The following TRPC6 variants were observed in gnomAD, a reference collection of about 807,000 sequenced individuals.
TRPC6 encodes the protein transient receptor potential cation channel subfamily C member 6.
In TRPC6, 55 loss-of-function variants were observed where a neutral mutation model predicts 90.7. The ratio of observed to expected loss-of-function variants is 0.61; its 90% CI spans 0.49 to 0.76. The LOEUF is 0.76. Among genes scored for constraint, TRPC6 ranks in the 30% least tolerant of loss-of-function variants. The probability of loss-of-function intolerance (pLI) is 0.00; values close to 1 mark genes in which losing one functional copy is unlikely to be tolerated. For missense variants in TRPC6, 989 were observed against 1,122.7 expected (o/e 0.88, Z 1.70); for synonymous variants, 393 against 393.0 (o/e 1.00, Z 0.00).
At chr11:101,572,883 A>T (rs1304601328) in intron 1 of TRPC6, among the ~76,000 whole-genome samples, 1 of 152,134 alleles carries the variant, frequency 6.6e-6, no homozygotes, top group African/African-American at 2.4e-5. Context: ...TGGGACGGAT[A>T]GCATTAGGAG....
intron 1 of TRPC6, among the ~76,000 whole-genome samples, chr11:101,509,660 T>G (rs1046094249): frequency 6.6e-6 from 1 of 152,170 alleles, no homozygotes; most frequent in African/African-American, 2.4e-5. Context: ...CCTTCTAAAT[T>G]ACTGTGGCTT....
At chr11:101,457,414 T>C (rs958791883) in intron 10 of TRPC6, among the ~76,000 whole-genome samples, 1 of 152,208 alleles carries the variant, frequency 6.6e-6, no homozygotes, top group Non-Finnish European at 1.5e-5. Flanking sequence ...GCAATACTAA[T>C]AACTTGTTTC....
chr11:101,473,859 T>G lies in TRPC6; in HGVS notation c.1745-86A>C, dbSNP rs570320904. 1.2e-5 allele frequency: 19 copies of G among 1,587,358 alleles called. No homozygotes were observed. In the South Asian group the frequency reaches 1.8e-4, roughly 15 times the overall value. On this transcript the variant is annotated intron_variant, in intron 6 of 12. Transcript: ENST00000344327. ...TTCTTTTTCTGCGAAAGAAATATAG[T>G]TATGTTAGAATCCGGTTTTCGAATG...
At chr11:101,580,627 G>T (rs929035818) in intron 1 of TRPC6, among the ~76,000 whole-genome samples, 3 of 139,986 alleles carry the variant, frequency 2.1e-5, no homozygotes, top group Admixed American at 7.0e-5. Context: ...TACTACTGAA[G>T]CCCCATAAAT....
Position 101,503,626 on chromosome 11 carries a change from T to C in TRPC6, c.945+398A>G, listed in dbSNP as rs145686635. On this transcript the variant is annotated intron_variant, in intron 2 of 12. Coordinates refer to ENST00000344327, the MANE Select transcript of TRPC6 (RefSeq NM_004621.6). ...CACTGTGCTCTGAACATGGAAATAG[T>C]GTTTCGTGGGAGGAAAAAGCCTGGG... Among the ~76,000 whole-genome samples the C allele has an allele frequency of 4.7e-3, 712 of 152,274 alleles. 4 individuals carry two copies. Among genetic ancestry groups the C allele is most frequent in the Non-Finnish European group, 6.0e-3 (406 of 68,024 alleles).
chr11:101,503,009 A>C (rs1157582600), intron 2 of TRPC6, among the ~76,000 whole-genome samples: 6 of 152,356 alleles, frequency 3.9e-5, no homozygotes, highest in African/African-American at 1.4e-4. Context: ...AAAACATTGT[A>C]CTTGATGAAT....
chr11:101,472,226 C>T lies in TRPC6; in HGVS notation c.2116G>A (p.Val706Ile), dbSNP rs752330361. Reference protein sequence around the residue: ...NHKFIENIGYVLYGVYNVTMV... With the variant: ...NHKFIENIGYILYGVYNVTMV... ...GTAACATTATAGACTCCATAAAGAA[C>T]GTAACCAATGTTTTCAATGAATTTG... Residue 706 changes from valine (V) to isoleucine (I), a missense_variant, in exon 8 of 13, where the codon GTT (valine) becomes ATT (isoleucine). Physicochemically the swap from Val to Ile is conservative, Grantham distance 29 (BLOSUM62 3). Transcript: ENST00000344327. The T allele has an allele frequency of 3.7e-6, 6 of 1,613,008 alleles. No homozygotes were observed. The highest frequency in any genetic ancestry group is 3.3e-5 in the Admixed American group (2 of 59,956).
chr11:101,548,634 T>G (rs1333562448), intron 1 of TRPC6, among the ~76,000 whole-genome samples: 1 of 151,034 alleles, frequency 6.6e-6, no homozygotes, highest in African/African-American at 2.4e-5. Context: ...GCTCGTACCA[T>G]TCTCACTTCA....
intron 1 of TRPC6, among the ~76,000 whole-genome samples, chr11:101,562,854 T>C (rs1861744668): frequency 6.6e-6 from 1 of 152,210 alleles, no homozygotes; most frequent in South Asian, 2.1e-4. Flanking sequence ...GTCTGGGCTT[T>C]CACTTCCTAA....
chr11:101,504,181 T>C lies in TRPC6; in HGVS notation c.788A>G (p.Lys263Arg). 1 of 1,614,170 alleles carries C rather than the reference T, an allele frequency of 6.2e-7. No homozygotes were observed. Among genetic ancestry groups the C allele is most frequent in the South Asian group, 1.1e-5 (1 of 91,088 alleles). ...CKCNDCNQKQ[K>R]HDSFSHSRSR... ...TCTGGAGTGGCTAAACGAGTCATGCTTCTGTTTCTGGTTGCAGTCATTGCA... is the reference window on the plus strand; with the variant it reads ...TCTGGAGTGGCTAAACGAGTCATGCCTCTGTTTCTGGTTGCAGTCATTGCA... Residue 263 changes from lysine to arginine, a missense_variant, in exon 2 of 13, where the codon AAG (lysine) becomes AGG (arginine). Lys to Arg is a conservative substitution (Grantham distance 26). This residue lies in a region of TRPC6 where 486 missense variants were observed against 591.9 expected (regional missense o/e 0.82). Transcript: ENST00000344327.
chr11:101,536,787 T>A (rs1861059558), intron 1 of TRPC6, among the ~76,000 whole-genome samples: 1 of 152,126 alleles, frequency 6.6e-6, no homozygotes, highest in Admixed American at 6.6e-5. Flanking sequence ...ATGTCATTGA[T>A]GAGTTTAAAA....
Position 101,451,846 on chromosome 11 carries a change from T to TAAAC in TRPC6, c.*1105_*1108dup, listed in dbSNP as rs1858770411. 6.6e-6 allele frequency: 1 copy of TAAAC among 152,202 alleles called. No individual in the cohort carries two copies. The highest frequency in any genetic ancestry group is 2.1e-4 in the South Asian group (1 of 4,834). 9.4% of individuals were successfully genotyped at this position (152,202 alleles called of 1,614,324 possible). ...CCTCTGAATGCCAATGGTCTTTGAG[T>TAAAC]AAACATATGAACCTTCATCGCTTTT... On this transcript the variant is annotated 3_prime_UTR_variant, in exon 13 of 13. Coordinates refer to ENST00000344327, the MANE Select transcript of TRPC6 (RefSeq NM_004621.6).
intron 8 of TRPC6, among the ~76,000 whole-genome samples, chr11:101,471,626 C>G (rs185584262): frequency 6.6e-6 from 1 of 152,170 alleles, no homozygotes; most frequent in East Asian, 1.9e-4. Flanking sequence ...TTTATAAATA[C>G]CTGATAGATA....
chr11:101,533,432 A>T (rs1233076260), intron 1 of TRPC6, among the ~76,000 whole-genome samples: 6 of 152,148 alleles, frequency 3.9e-5, no homozygotes, highest in African/African-American at 1.4e-4. Flanking sequence ...TCTCACTAGA[A>T]TTCACTGTCA....
At chr11:101,557,914 T>A (rs926917636) in intron 1 of TRPC6, among the ~76,000 whole-genome samples, 1 of 152,140 alleles carries the variant, frequency 6.6e-6, no homozygotes, top group Non-Finnish European at 1.5e-5. Context: ...ATTACAAGAA[T>A]TAATATTATT....
rs565356228 is a variant in TRPC6, at chr11:101,536,406, C to A, written c.171-31608G>T. Among the ~76,000 whole-genome samples the A allele has an allele frequency of 1.4e-4, 19 of 137,138 alleles. No homozygotes were observed. In the East Asian group the frequency reaches 3.4e-3, roughly 25 times the overall value. The allele number at this position is 137,138 out of a possible 152,430, so 90.0% of individuals were successfully genotyped here. A position where few individuals can be genotyped will look rare whatever the true frequency, so the allele number is the denominator to read the frequency against. On this transcript the variant is annotated intron_variant, in intron 1 of 12. Transcript: ENST00000344327. ...GATCCCCCAGCCCCTCCCTCCCCCC[C>A]ACCAAAAAAAAAGAAAGAAAAGAAA...
intron 2 of TRPC6, among the ~76,000 whole-genome samples, chr11:101,503,736 A>G (rs1175305318): frequency 1.3e-5 from 2 of 152,268 alleles, no homozygotes; most frequent in East Asian, 3.9e-4. Context: ...GAAACTTTCT[A>G]TGCCTTCATT....
rs150886377 is a variant in TRPC6 at position 101,494,740 on chromosome 11, C to T, written c.946-3002G>A. Among the ~76,000 whole-genome samples the T allele has an allele frequency of 4.5e-3, 683 of 152,262 alleles. 3 individuals are homozygous for T. Among genetic ancestry groups the T allele is most frequent in the African/African-American group, 0.016 (651 of 41,548 alleles). ...GGACTGAAAAAGTAAAGTGCAAGAG[C>T]TTTGTGGTATTTAATAACCTTAATC... On this transcript the variant is annotated intron_variant, in intron 2 of 12. Transcript: ENST00000344327.
intron 1 of TRPC6, among the ~76,000 whole-genome samples, chr11:101,549,178 C>G (rs1206689520): frequency 6.6e-6 from 1 of 151,742 alleles, no homozygotes; most frequent in Admixed American, 6.6e-5. Flanking sequence ...GATTTAAGAG[C>G]AAGTGAAGTA....
Sources: gnomAD v4.1 joint callset for allele counts (sites outside exome capture counted in the v4.1 genomes callset) on GRCh38, gnomAD v4.1.1 for gene constraint, gnomAD v4.1.1 regional missense constraint, MANE v1.5 for transcripts, NCBI Gene and HGNC (gene_info 2026-07-23, HGNC 2026-07-21) for gene names.